Variants in C15orf61 observed in about 807,000 individuals in gnomAD.
The protein encoded by C15orf61 is uncharacterized protein C15orf61.
A neutral mutation model predicts 13.7 loss-of-function variants in C15orf61; 12 were observed. That is an observed-to-expected ratio of 0.88 (90% CI 0.56 to 1.42). C15orf61 has a LOEUF of 1.42. Among genes scored for constraint, C15orf61 ranks in the 40% most tolerant of loss-of-function variants. The pLI, the probability that C15orf61 is intolerant of heterozygous loss-of-function variation, is 0.00. For synonymous variants in C15orf61, 92 were observed against 94.1 expected, an observed-to-expected ratio of 0.98 and a Z score of 0.13; for missense variants, 248 against 213.2, an observed-to-expected ratio of 1.16 and a Z score of -1.02.
intron 1 of C15orf61, chr15:67,522,330 A>T: frequency 1.5e-6 from 1 of 675,866 alleles, no homozygotes; most frequent in South Asian, 1.6e-5. Flanking sequence ...TAGCTGGCAT[A>T]AAATCAATCT....
chr15:67,526,012 C>CACAA (rs917040189), intron 1 of C15orf61, among the ~76,000 whole-genome samples: 2 of 152,134 alleles, frequency 1.3e-5, no homozygotes, highest in East Asian at 1.9e-4. Context: ...GACTCCATCT[C>CACAA]ACAAACAAAC....
In C15orf61 at chr15:67,521,175, C is replaced by T. The variant is rs1201087587; in HGVS notation, c.-74C>T. 3.8e-6 allele frequency: 4 copies of T among 1,057,950 alleles called. No individual in the cohort carries two copies. Among genetic ancestry groups the T allele is most frequent in the Non-Finnish European group, 4.7e-6 (4 of 848,580 alleles). 65.5% of individuals were successfully genotyped at this position (1,057,950 alleles called of 1,614,324 possible). A position where few individuals can be genotyped will look rare whatever the true frequency, so the allele number is the denominator to read the frequency against. ...ACCCGCGCGGCGCCGGTTGGCCTTC[C>T]CGGCGCTCGCCCGGGGGCGCGCTTG... On this transcript the variant is annotated 5_prime_UTR_variant, in exon 1 of 2. Coordinates refer to ENST00000342683, the MANE Select transcript of C15orf61 (RefSeq NM_001143936.2).
rs1337174202 is a variant in C15orf61, at chr15:67,527,521, A to G, written c.*976A>G. Reference sequence around the variant, plus strand: ...AGTAATTTAGGGAGAACTAAGTAGAACTATTTAATTTCTAAACCAATGGGT... The same window carrying G: ...AGTAATTTAGGGAGAACTAAGTAGAGCTATTTAATTTCTAAACCAATGGGT... On this transcript the variant is annotated 3_prime_UTR_variant, in exon 2 of 2. Transcript: ENST00000342683. 6.6e-6 allele frequency: 1 copy of G among 152,182 alleles called. No individual in the cohort carries two copies. The highest frequency in any genetic ancestry group is 1.5e-5 in the Non-Finnish European group (1 of 67,998). The allele number at this position is 152,182 out of a possible 1,614,324, so 9.4% of individuals were successfully genotyped here. A position where few individuals can be genotyped will look rare whatever the true frequency, so the allele number is the denominator to read the frequency against.
Position 67,523,621 on chromosome 15 carries a change from G to T in C15orf61, c.346+2027G>T, listed in dbSNP as rs547015319. ...TTTTAAAGTGCTTAATTTGACAGTG[G>T]TTTACCTACTGTTCAGCTGACTCAA... On this transcript the variant is annotated intron_variant, in intron 1 of 1. Transcript: ENST00000342683. Among the ~76,000 whole-genome samples the T allele has an allele frequency of 2.6e-5, 4 of 152,210 alleles. No homozygotes were observed. The South Asian group carries it at 8.3e-4, about 32-fold the overall frequency.
rs1287688307 is a variant in C15orf61, at chr15:67,530,072, G to A, written c.*3527G>A. On this transcript the variant is annotated 3_prime_UTR_variant, in exon 2 of 2. Transcript: ENST00000342683. ...GTCTAGAGTATCAGAGTTAAACTCTGTTACTGTAAATTAATGGAAAATGTA... is the reference window on the plus strand; with the variant it reads ...GTCTAGAGTATCAGAGTTAAACTCTATTACTGTAAATTAATGGAAAATGTA... 6.6e-6 allele frequency: 1 copy of A among 152,188 alleles called. No homozygotes were observed. Among genetic ancestry groups the A allele is most frequent in the Non-Finnish European group, 1.5e-5 (1 of 68,042 alleles). 9.4% of individuals were successfully genotyped at this position (152,188 alleles called of 1,614,324 possible). A position where few individuals can be genotyped will look rare whatever the true frequency, so the allele number is the denominator to read the frequency against.
chr15:67,526,535 C>T lies in C15orf61; in HGVS notation c.464C>T (p.Ala155Val), dbSNP rs908094696. 3 of 1,528,344 alleles carry T rather than the reference C, an allele frequency of 2.0e-6. No homozygotes were observed. The highest frequency in any genetic ancestry group is 2.8e-5 in the African/African-American group (2 of 72,354). The allele number at this position is 1,528,344 out of a possible 1,614,324, so 94.7% of individuals were successfully genotyped here. A position where few individuals can be genotyped will look rare whatever the true frequency, so the allele number is the denominator to read the frequency against. ...VYFLNKEDEG[A>V]MY ...TTTCTCAATAAAGAAGATGAAGGTG[C>T]CATGTATTGAAAGTGTGCGTCAAAG... The change falls in exon 2 of 2, where the codon GCC becomes GTC. Residue 155 changes from alanine (A) to valine (V), a missense_variant. Transcript: ENST00000342683.
At position 67,530,084 on chromosome 15, in the gene C15orf61, T is replaced by G. The variant is rs1472592252; in HGVS notation, c.*3539T>G. 1 of 152,196 alleles carries G rather than the reference T, an allele frequency of 6.6e-6. No individual in the cohort carries two copies. Among genetic ancestry groups the G allele is most frequent in the African/African-American group, 2.4e-5 (1 of 41,436 alleles). The allele number at this position is 152,196 out of a possible 1,614,324, so 9.4% of individuals were successfully genotyped here. Reference sequence around the variant, plus strand: ...AGAGTTAAACTCTGTTACTGTAAATTAATGGAAAATGTAACTGCACTTTGC... The same window carrying G: ...AGAGTTAAACTCTGTTACTGTAAATGAATGGAAAATGTAACTGCACTTTGC... On this transcript the variant is annotated 3_prime_UTR_variant, in exon 2 of 2. Transcript: ENST00000342683.
chr15:67,526,080 C>T (rs886591025), intron 1 of C15orf61, among the ~76,000 whole-genome samples: 2 of 152,162 alleles, frequency 1.3e-5, no homozygotes, highest in Non-Finnish European at 2.9e-5. Flanking sequence ...TCAGGAGCGT[C>T]TACAACTAAA....
rs887679208 is a variant in C15orf61 at position 67,528,484 on chromosome 15, G to A, written c.*1939G>A. The A allele has an allele frequency of 6.6e-6, 1 of 152,200 alleles. No individual in the cohort carries two copies. The highest frequency in any genetic ancestry group is 1.5e-5 in the Non-Finnish European group (1 of 68,034). 9.4% of individuals were successfully genotyped at this position (152,200 alleles called of 1,614,324 possible). The stretch of plus-strand genomic sequence containing the variant: ...TCTTGCTCTTACGGAGTTGATCATG[G>A]TGAAGGATGAACTAACTCAACAATG... On this transcript the variant is annotated 3_prime_UTR_variant, in exon 2 of 2. Transcript: ENST00000342683.
rs1245420191 is a variant in C15orf61 at position 67,521,148 on chromosome 15, G to A, written c.-101G>A. 3 of 768,886 alleles carry A rather than the reference G, an allele frequency of 3.9e-6. No individual in the cohort carries two copies. Among genetic ancestry groups the A allele is most frequent in the Non-Finnish European group, 4.9e-6 (3 of 606,304 alleles). The allele number at this position is 768,886 out of a possible 1,614,324, so 47.6% of individuals were successfully genotyped here. The stretch of plus-strand genomic sequence containing the variant: ...GCCGCCGCACACCGGGGGCTCTCGG[G>A]CACCCGCGCGGCGCCGGTTGGCCTT... On this transcript the variant is annotated 5_prime_UTR_variant, in exon 1 of 2. Coordinates refer to ENST00000342683, the MANE Select transcript of C15orf61 (RefSeq NM_001143936.2).
At chr15:67,524,429 T>C (rs184066811) in intron 1 of C15orf61, among the ~76,000 whole-genome samples, 22 of 152,282 alleles carry the variant, frequency 1.4e-4, no homozygotes, top group Admixed American at 6.5e-4. Flanking sequence ...TAAGTAGCTT[T>C]ATTATTCTAG....
chr15:67,521,730 G>C (rs1008881804), intron 1 of C15orf61, 136 bp downstream of exon 1: 2 of 935,484 alleles, frequency 2.1e-6, no homozygotes, highest in Non-Finnish European at 3.1e-6. Context: ...CGCCGGCTTC[G>C]CCTGGGGTCC....
chr15:67,526,278 T>A (rs1255023784), intron 1 of C15orf61, 140 bp from the exon 2 acceptor site: 1 of 566,432 alleles, frequency 1.8e-6, no homozygotes, highest in Non-Finnish European at 2.9e-6. Context: ...AGCTCTTAGA[T>A]AATCAGAGTC....
Position 67,526,786 on chromosome 15 carries a change from G to C in C15orf61, c.*241G>C, listed in dbSNP as rs2084201466. On this transcript the variant is annotated 3_prime_UTR_variant, in exon 2 of 2. Transcript: ENST00000342683. ...GAAGCTTCACACCATTTTTTCCCTA[G>C]AACTAGGTTAACCTACAGATAAAAA... is the stretch of plus-strand genomic sequence containing the variant. The C allele has an allele frequency of 6.6e-6, 2 of 303,984 alleles. No individual in the cohort carries two copies. The highest frequency in any genetic ancestry group is 1.4e-4 in the South Asian group (1 of 6,940). The allele number at this position is 303,984 out of a possible 1,614,324, so 18.8% of individuals were successfully genotyped here.
chr15:67,522,705 AAT>A (rs2084175395), intron 1 of C15orf61, among the ~76,000 whole-genome samples: 1 of 152,152 alleles, frequency 6.6e-6, no homozygotes, highest in African/African-American at 2.4e-5. Flanking sequence ...TTCAATTCGA[AAT>A]TATTTGGAAA....
Position 67,521,325 on chromosome 15 carries a change from C to T in C15orf61, c.77C>T (p.Ala26Val), listed in dbSNP as rs1332720865. The T allele has an allele frequency of 2.0e-6, 3 of 1,530,138 alleles. No individual in the cohort carries two copies. Among genetic ancestry groups the T allele is most frequent in the African/African-American group, 1.4e-5 (1 of 72,488 alleles). The allele number at this position is 1,530,138 out of a possible 1,614,324, so 94.8% of individuals were successfully genotyped here. The change falls in exon 1 of 2, where the codon GCC (alanine) becomes GTC (valine). Residue 26 changes from alanine to valine, a missense_variant. By Grantham distance (64) the Ala-to-Val change is moderately conservative (BLOSUM62 0). Coordinates refer to ENST00000342683, the MANE Select transcript of C15orf61 (RefSeq NM_001143936.2). ...AGGCCGTGGGCCTCGCGCGCCGCCG[C>T]CCGCCCCAAGCCCAGCGCCTCGGAG... The part of the protein sequence containing the change: ...LCRPWASRAA[A>V]RPKPSASEVL...
At position 67,526,520 on chromosome 15, in the gene C15orf61, A is replaced by G; in HGVS notation, c.449A>G (p.Lys150Arg). Residue 150 changes from lysine (K) to arginine (R), a missense_variant, in exon 2 of 2, where the codon AAA (lysine) becomes AGA (arginine). Coordinates refer to ENST00000342683, the MANE Select transcript of C15orf61 (RefSeq NM_001143936.2). Reference protein sequence around the residue: ...YGPITVYFLNKEDEGAMY With the variant: ...YGPITVYFLNREDEGAMY ...CCCATAACAGTTTATTTTCTCAATA[A>G]AGAAGATGAAGGTGCCATGTATTGA... The G allele has an allele frequency of 6.5e-7, 1 of 1,538,566 alleles. No homozygotes were observed. The highest frequency in any genetic ancestry group is 8.8e-7 in the Non-Finnish European group (1 of 1,140,520).
rs2084195882 is a variant in C15orf61, at chr15:67,525,865, T to A, written c.347-553T>A. ...CATCTCTACTAAAAAAGTACAAAAA[T>A]TATCTGAGCGTGGTGGCGCGCGCCT... is the stretch of plus-strand genomic sequence containing the variant. On this transcript the variant is annotated intron_variant, in intron 1 of 1. Coordinates refer to ENST00000342683, the MANE Select transcript of C15orf61 (RefSeq NM_001143936.2). This position sits in a 1 kb window ranked among gnomAD's most constrained non-coding sequence, Gnocchi z 4.9. Among the ~76,000 whole-genome samples the A allele has an allele frequency of 6.6e-6, 1 of 152,018 alleles. No individual in the cohort carries two copies. The highest frequency in any genetic ancestry group is 2.1e-4 in the South Asian group (1 of 4,808).
In C15orf61 at chr15:67,521,217, G is replaced by A. The variant is rs1377668421; in HGVS notation, c.-32G>A. On this transcript the variant is annotated 5_prime_UTR_variant, in exon 1 of 2. Coordinates refer to ENST00000342683, the MANE Select transcript of C15orf61 (RefSeq NM_001143936.2). ...GCGCGCTTGCGCGCCAGCGGCTGCGGACACCAGCCTGCGTCCCCGGCGCGG... is the reference window on the plus strand; with the variant it reads ...GCGCGCTTGCGCGCCAGCGGCTGCGAACACCAGCCTGCGTCCCCGGCGCGG... 5 of 1,194,974 alleles carry A rather than the reference G, an allele frequency of 4.2e-6. No homozygotes were observed. The highest frequency in any genetic ancestry group is 4.3e-5 in the Admixed American group (1 of 23,058). The allele number at this position is 1,194,974 out of a possible 1,614,324, so 74.0% of individuals were successfully genotyped here.
Sources: gnomAD v4.1 joint callset for allele counts (sites outside exome capture counted in the v4.1 genomes callset) on GRCh38, gnomAD v4.1.1 for gene constraint, Gnocchi (gnomAD v3.1) non-coding constraint, MANE v1.5 for transcripts, NCBI Gene and HGNC (gene_info 2026-07-23, HGNC 2026-07-21) for gene names.